Variants in WASHC4 observed in about 807,000 individuals in gnomAD.
WASHC4 encodes the protein WASH complex subunit 4, also known as WASH complex subunit 7.
A neutral mutation model predicts 166.6 loss-of-function variants in WASHC4; 86 were observed. That is an observed-to-expected ratio of 0.52 (90% CI 0.43 to 0.62). The LOEUF (loss-of-function observed/expected upper bound fraction) is 0.62, where lower values mean the gene tolerates loss of function less well. Among genes scored for constraint, WASHC4 ranks in the 20% least tolerant of loss-of-function variants. The pLI, the probability that WASHC4 is intolerant of heterozygous loss-of-function variation, is 0.00. For missense variants in WASHC4, 1,262 were observed against 1,382.4 expected, an observed-to-expected ratio of 0.91 and a Z score of 1.38; for synonymous variants, 446 against 451.6, an observed-to-expected ratio of 0.99 and a Z score of 0.16.
Position 105,140,332 on chromosome 12 carries a change from G to A in WASHC4, c.1491G>A (p.Val497=). 6.2e-7 allele frequency: 1 copy of A among 1,613,816 alleles called. No homozygotes were observed. The highest frequency in any genetic ancestry group is 8.5e-7 in the Non-Finnish European group (1 of 1,179,750). The change falls in exon 16 of 33, where the codon GTG becomes GTA. Residue 497 remains valine (V), a synonymous_variant. Coordinates refer to ENST00000332180, the MANE Select transcript of WASHC4 (RefSeq NM_015275.3). The part of the protein sequence containing the change: ...EHMFYRRSMV[V]ADSVSHITQH... ...TGTTCTACAGGAGAAGCATGGTTGT[G>A]GCTGATTCAGTTTCACATATAACAC...
Position 105,146,440 on chromosome 12 carries a change from A to G in WASHC4, c.2335-12A>G, listed in dbSNP as rs1883302903. The stretch of plus-strand genomic sequence containing the variant: ...GAATTATAATAAAACTTGTATGTGT[A>G]TTATGTTGTAGGGCCTTGATGTTTT... On this transcript the variant is annotated splice_polypyrimidine_tract_variant and intron_variant, in intron 22 of 32. Coordinates refer to ENST00000332180, the MANE Select transcript of WASHC4 (RefSeq NM_015275.3). 1 of 1,468,934 alleles carries G rather than the reference A, an allele frequency of 6.8e-7. No homozygotes were observed. The highest frequency in any genetic ancestry group is 1.4e-5 in the African/African-American group (1 of 71,966). The allele number at this position is 1,468,934 out of a possible 1,614,324, so 91.0% of individuals were successfully genotyped here.
intron 1 of WASHC4, 68 bp downstream of exon 1, chr12:105,107,929 C>T (rs1300855960): frequency 1.6e-6 from 2 of 1,220,172 alleles, no homozygotes; most frequent in South Asian, 1.3e-5. Context: ...CTGGGCTGGG[C>T]AGCGCTCCTG....
rs1362472858 is a variant in WASHC4, at chr12:105,111,129, T to G, written c.66T>G (p.Ile22Met). ...TGTTTTAAAATTTAAACTTAGAAAT[T>G]CATGCCGAAGTCCAACTTAAGAATT... is the stretch of plus-strand genomic sequence containing the variant. ...FDRVDDGSQK[I>M]HAEVQLKNYG... Residue 22 changes from isoleucine (I) to methionine (M), a missense_variant, in exon 2 of 33, where the codon ATT (isoleucine) becomes ATG (methionine). Physicochemically the swap from Ile to Met is conservative, Grantham distance 10 (BLOSUM62 1). Transcript: ENST00000332180. 6.2e-7 allele frequency: 1 copy of G among 1,602,768 alleles called. No individual in the cohort carries two copies. Among genetic ancestry groups the G allele is most frequent in the East Asian group, 2.2e-5 (1 of 44,742 alleles).
chr12:105,161,777 A>C (rs1050719968), intron 29 of WASHC4, among the ~76,000 whole-genome samples: 3 of 152,240 alleles, frequency 2.0e-5, no homozygotes, highest in Non-Finnish European at 4.4e-5. Flanking sequence ...TTTTGTTTCC[A>C]GCGTAGGCTA....
chr12:105,116,673 A>C (rs1373146595), intron 6 of WASHC4, among the ~76,000 whole-genome samples: 3 of 152,214 alleles, frequency 2.0e-5, no homozygotes, highest in African/African-American at 7.2e-5. Context: ...TGACTATAGT[A>C]ACCTTTTTAT....
intron 1 of WASHC4, among the ~76,000 whole-genome samples, chr12:105,109,234 CAT>C (rs1879409758): frequency 6.6e-6 from 1 of 151,894 alleles, no homozygotes; most frequent in Admixed American, 6.6e-5. Flanking sequence ...TGTACCTTGT[CAT>C]ATATGTTTTA....
At chr12:105,162,340 TG>T (rs1884547652) in intron 29 of WASHC4, among the ~76,000 whole-genome samples, 1 of 152,210 alleles carries the variant, frequency 6.6e-6, no homozygotes, top group Non-Finnish European at 1.5e-5. Context: ...TAAGAGTACT[TG>T]TGCTTTGAAA....
At position 105,166,871 on chromosome 12, in the gene WASHC4, T is replaced by C; in HGVS notation, c.3462T>C (p.Thr1154=). The change falls in exon 33 of 33, where the codon ACT becomes ACC. Residue 1154 remains threonine, a synonymous_variant. Transcript: ENST00000332180. ...NQEKKEKEEE[T]KTSNGDLSDS... is the part of the protein sequence containing the mutation. Reference sequence around the variant, plus strand: ...TTTCACTCATGCTTTCAGAAGAAACTAAAACAAGCAATGGAGACCTGTCTG... The same window carrying C: ...TTTCACTCATGCTTTCAGAAGAAACCAAAACAAGCAATGGAGACCTGTCTG... The C allele has an allele frequency of 1.9e-6, 3 of 1,600,632 alleles. No homozygotes were observed. Among genetic ancestry groups the C allele is most frequent in the Non-Finnish European group, 2.6e-6 (3 of 1,171,688 alleles).
chr12:105,160,380 C>T (rs1884423336), intron 29 of WASHC4, among the ~76,000 whole-genome samples: 1 of 152,048 alleles, frequency 6.6e-6, no homozygotes, highest in Non-Finnish European at 1.5e-5. Context: ...TGGGGTCTTG[C>T]CCTGTCACCC....
intron 25 of WASHC4, among the ~76,000 whole-genome samples, chr12:105,151,713 C>A (rs2135819707): frequency 6.6e-6 from 1 of 152,272 alleles, no homozygotes; most frequent in African/African-American, 2.4e-5. Flanking sequence ...GACTCCTGAC[C>A]TAGTGATCTG....
intron 24 of WASHC4, chr12:105,148,063 C>T: frequency 1.0e-6 from 1 of 985,076 alleles, no homozygotes; most frequent in Non-Finnish European, 1.2e-6. Flanking sequence ...AGACTGAATG[C>T]TTAAGTAGTA....
At chr12:105,152,554 G>T (rs7315964) in intron 26 of WASHC4, 103 bp downstream of exon 26, 80,818 of 763,466 alleles carry the variant, frequency 0.11, 5,087 homozygotes, top group African/African-American at 0.21. Flanking sequence ...GAAAGCCTGA[G>T]CTCAGCTTTA....
At chr12:105,132,027 C>A (rs1251497455) in intron 13 of WASHC4, among the ~76,000 whole-genome samples, 2 of 152,102 alleles carry the variant, frequency 1.3e-5, no homozygotes, top group Non-Finnish European at 2.9e-5. Context: ...AGTTCCTTGC[C>A]CTGAAGAGCT....
chr12:105,111,230 T>G lies in WASHC4; in HGVS notation c.167T>G (p.Val56Gly). ...EDALDDSIGD[V>G]WDFNLDPIAL... is the part of the protein sequence containing the mutation. ...GCTCTGGATGACTCAATTGGAGATG[T>G]TTGGGATTTCAATCTTGATCCTATA... The change falls in exon 2 of 33, where the codon GTT becomes GGT. Residue 56 changes from valine to glycine, a missense_variant. Val to Gly is a moderately radical substitution (Grantham distance 109). Coordinates refer to ENST00000332180, the MANE Select transcript of WASHC4 (RefSeq NM_015275.3). 2 of 1,610,286 alleles carry G rather than the reference T, an allele frequency of 1.2e-6. No individual in the cohort carries two copies. The highest frequency in any genetic ancestry group is 1.7e-6 in the Non-Finnish European group (2 of 1,177,104).
intron 29 of WASHC4, among the ~76,000 whole-genome samples, chr12:105,161,551 C>T (rs1884497272): frequency 6.6e-6 from 1 of 152,086 alleles, no homozygotes; most frequent in Non-Finnish European, 1.5e-5. Context: ...AGGCAGTTGT[C>T]AGAATTCGCT....
Position 105,160,164 on chromosome 12 carries a change from A to T in WASHC4, c.3060+16A>T, listed in dbSNP as rs2135839161. The T allele has an allele frequency of 6.2e-7, 1 of 1,607,252 alleles. No homozygotes were observed. Among genetic ancestry groups the T allele is most frequent in the East Asian group, 2.2e-5 (1 of 44,836 alleles). On this transcript the variant is annotated intron_variant, in intron 29 of 32. Transcript: ENST00000332180. ...TCCCCCTCTGGTGAGTATTTCCAGA[A>T]CCTAAAATGAATTTTTTTTTTAAAA...
In WASHC4 at chr12:105,162,726, A is replaced by G. The variant is rs200207064; in HGVS notation, c.3061-23A>G. 50 of 1,270,476 alleles carry G rather than the reference A, an allele frequency of 3.9e-5. No homozygotes were observed. In the Admixed American group the frequency reaches 5.9e-4, roughly 15 times the overall value. 78.7% of individuals were successfully genotyped at this position (1,270,476 alleles called of 1,614,324 possible). ...ATTTTCTTAGCAAAATTGTTTTTCT[A>G]ACATGTTGTTACATCTTTTTAGACC... is the stretch of plus-strand genomic sequence containing the variant. On this transcript the variant is annotated intron_variant, in intron 29 of 32. Transcript: ENST00000332180.
At chr12:105,138,296 A>G (rs1882494935) in intron 15 of WASHC4, among the ~76,000 whole-genome samples, 1 of 152,014 alleles carries the variant, frequency 6.6e-6, no homozygotes, top group African/African-American at 2.4e-5. Flanking sequence ...AGAAAATGGA[A>G]AAGTTAACTT....
intron 8 of WASHC4, among the ~76,000 whole-genome samples, 179 bp downstream of exon 8, chr12:105,120,776 T>C (rs951530052): frequency 1.3e-5 from 2 of 152,184 alleles, no homozygotes; most frequent in Non-Finnish European, 2.9e-5. Flanking sequence ...TGAGTCATTA[T>C]TGACCATTAT....
Sources: gnomAD v4.1 joint callset for allele counts (sites outside exome capture counted in the v4.1 genomes callset) on GRCh38, gnomAD v4.1.1 for gene constraint, MANE v1.5 for transcripts, NCBI Gene and HGNC (gene_info 2026-07-23, HGNC 2026-07-21) for gene names.